Variants in LY86 observed in about 807,000 individuals in gnomAD.
LY86 encodes lymphocyte antigen 86.
In LY86, 20 loss-of-function variants were observed where a neutral mutation model predicts 17.3. The ratio of observed to expected loss-of-function variants is 1.15; its 90% CI spans 0.81 to 1.68. The LOEUF is 1.68. LY86 is among the 40% of genes most tolerant of loss of function. The pLI is 0.00. For synonymous variants in LY86, 74 were observed against 70.6 expected (o/e 1.05, Z -0.24); for missense variants, 200 against 191.9 (o/e 1.04, Z -0.25).
At chr6:6,599,383 C>A (rs747133772) in intron 1 of LY86, among the ~76,000 whole-genome samples, 1 of 152,218 alleles carries the variant, frequency 6.6e-6, no homozygotes, top group Non-Finnish European at 1.5e-5. Context: ...CCTTAACCTA[C>A]CCTCTAGCAT....
At chr6:6,620,823 C>G (rs917942152) in intron 1 of LY86, 1 of 152,296 alleles carries the variant, frequency 6.6e-6, no homozygotes, top group Non-Finnish European at 1.5e-5. Context: ...CTCTATTTTA[C>G]TCCATGAATG....
intron 1 of LY86, among the ~76,000 whole-genome samples, chr6:6,606,726 G>T (rs1352317669): frequency 6.6e-6 from 1 of 152,208 alleles, no homozygotes; most frequent in Admixed American, 6.5e-5. Context: ...CACTTGCGGG[G>T]CCCGCTGAGC....
chr6:6,606,601 T>C (rs1761161533), intron 1 of LY86, among the ~76,000 whole-genome samples: 1 of 152,070 alleles, frequency 6.6e-6, no homozygotes, highest in Non-Finnish European at 1.5e-5. Context: ...GGGCTGCAGG[T>C]CCCTAGCCCT....
chr6:6,644,046 C>T (rs1762076836), intron 3 of LY86, among the ~76,000 whole-genome samples: 1 of 152,208 alleles, frequency 6.6e-6, no homozygotes, highest in Non-Finnish European at 1.5e-5. Context: ...CATTTTTATA[C>T]TGTTAAGCAC....
At chr6:6,621,056 G>T (rs1761661529) in intron 1 of LY86, 1 of 152,204 alleles carries the variant, frequency 6.6e-6, no homozygotes, top group African/African-American at 2.4e-5. Context: ...TCCTCCCTTG[G>T]GTGGAAGCCA....
chr6:6,639,671 C>A (rs959862126), intron 3 of LY86, among the ~76,000 whole-genome samples: 2 of 152,122 alleles, frequency 1.3e-5, no homozygotes, highest in African/African-American at 4.8e-5. Context: ...CTTATAAGGA[C>A]CTCTGTGATT....
At position 6,613,664 on chromosome 6, in the gene LY86, C is replaced by T. The variant is rs977388760; in HGVS notation, c.137-11262C>T. 1.2e-4 allele frequency among the ~76,000 whole-genome samples: 18 copies of T among 152,252 alleles called. 1 individual carries two copies. Among genetic ancestry groups the T allele is most frequent in the Admixed American group, 6.5e-5 (1 of 15,294 alleles). On this transcript the variant is annotated intron_variant, in intron 1 of 4. Coordinates refer to ENST00000230568, the MANE Select transcript of LY86 (RefSeq NM_004271.4). ...TCCCCGCAAGCTGAGGGAGCCGGCTCCGGCCTTGGCCAGCCCAGAAAGGGG... is the reference window on the plus strand; with the variant it reads ...TCCCCGCAAGCTGAGGGAGCCGGCTTCGGCCTTGGCCAGCCCAGAAAGGGG...
chr6:6,588,944 G>C (rs934900353), intron 1 of LY86, 74 bp downstream of exon 1: 7 of 1,494,730 alleles, frequency 4.7e-6, no homozygotes, highest in Non-Finnish European at 5.4e-6. Flanking sequence ...CTAGTGCTCA[G>C]TTGGAGTTGG....
chr6:6,646,209 C>T (rs1298090622), intron 3 of LY86, among the ~76,000 whole-genome samples: 1 of 152,078 alleles, frequency 6.6e-6, no homozygotes, highest in Non-Finnish European at 1.5e-5. Flanking sequence ...AGTTACAGTG[C>T]CTACATGTAC....
At chr6:6,607,577 C>A (rs928414562) in intron 1 of LY86, among the ~76,000 whole-genome samples, 4 of 152,030 alleles carry the variant, frequency 2.6e-5, no homozygotes, top group African/African-American at 9.7e-5. Flanking sequence ...AGAAAGAAAA[C>A]CCAAAATAGG....
At chr6:6,607,419 T>C (rs1761211701) in intron 1 of LY86, among the ~76,000 whole-genome samples, 1 of 152,224 alleles carries the variant, frequency 6.6e-6, no homozygotes, top group Non-Finnish European at 1.5e-5. Flanking sequence ...AAGATATTCG[T>C]GTTAAATTTT....
intron 1 of LY86, among the ~76,000 whole-genome samples, chr6:6,605,050 G>A (rs1761057947): frequency 6.8e-6 from 1 of 146,818 alleles, no homozygotes; most frequent in Non-Finnish European, 1.5e-5. Flanking sequence ...AATCTAGAGT[G>A]TTTGCCACCG....
At chr6:6,643,733 T>C (rs1417486542) in intron 3 of LY86, among the ~76,000 whole-genome samples, 1 of 152,186 alleles carries the variant, frequency 6.6e-6, no homozygotes, top group African/African-American at 2.4e-5. Flanking sequence ...AATGCATGCA[T>C]GCACACGAAC....
At chr6:6,616,795 A>G (rs923820462) in intron 1 of LY86, among the ~76,000 whole-genome samples, 2 of 152,246 alleles carry the variant, frequency 1.3e-5, no homozygotes, top group African/African-American at 4.8e-5. Flanking sequence ...GAAAAGTCCC[A>G]GAGATCATCT....
intron 1 of LY86, among the ~76,000 whole-genome samples, chr6:6,605,041 A>G (rs1270650418): frequency 7.4e-6 from 1 of 134,294 alleles, no homozygotes; most frequent in African/African-American, 2.8e-5. Context: ...AGAAAAAAAA[A>G]TCTAGAGTGT....
At chr6:6,640,448 A>T (rs1363538668) in intron 3 of LY86, among the ~76,000 whole-genome samples, 1 of 151,970 alleles carries the variant, frequency 6.6e-6, no homozygotes, top group Non-Finnish European at 1.5e-5. Flanking sequence ...AGCTGGGTGC[A>T]GTGGCTATGC....
intron 1 of LY86, among the ~76,000 whole-genome samples, chr6:6,614,295 T>A (rs1034822618): frequency 2.0e-5 from 3 of 152,186 alleles, no homozygotes. Context: ...GAGGTAAAGC[T>A]TATTCGGCTA....
At chr6:6,637,209 C>T (rs1481427954) in intron 3 of LY86, among the ~76,000 whole-genome samples, 1 of 152,026 alleles carries the variant, frequency 6.6e-6, no homozygotes, top group East Asian at 1.9e-4. Context: ...GACAGGGTTT[C>T]ACCTTGTTAG....
At chr6:6,595,501 A>C (rs905048436) in intron 1 of LY86, among the ~76,000 whole-genome samples, 1 of 151,824 alleles carries the variant, frequency 6.6e-6, no homozygotes, top group Non-Finnish European at 1.5e-5. Context: ...CTGATGAAAG[A>C]ATGGCTTCCC....
Sources: allele counts gnomAD v4.1 joint callset (sites outside exome capture counted in the v4.1 genomes callset), GRCh38; gene constraint gnomAD v4.1.1; transcripts MANE v1.5; gene names NCBI Gene and HGNC (gene_info 2026-07-23, HGNC 2026-07-21).